Variants in TMEM132D observed in about 807,000 individuals in gnomAD.
The protein encoded by TMEM132D is mature OL transmembrane protein.
TMEM132D carries 21 observed loss-of-function variants against 62.3 expected under a neutral mutation model. The ratio of observed to expected loss-of-function variants is 0.34; its 90% confidence interval spans 0.24 to 0.49. The LOEUF (loss-of-function observed/expected upper bound fraction) is 0.49, where lower values mean the gene tolerates loss of function less well. Among genes scored for constraint, TMEM132D ranks in the 20% least tolerant of loss-of-function variants. The pLI, the probability that TMEM132D is intolerant of heterozygous loss-of-function variation, is 0.99. For synonymous variants in TMEM132D, 621 were observed against 575.6 expected (o/e 1.08, Z -1.13); for missense variants, 1,346 against 1,402.8 (o/e 0.96, Z 0.65).
chr12:129,337,016 G>C (rs1238422804), intron 4 of TMEM132D, among the ~76,000 whole-genome samples: 1 of 152,094 alleles, frequency 6.6e-6, no homozygotes, highest in Admixed American at 6.5e-5. Context: ...AAAACAGTAA[G>C]AGCCCTTGTC....
intron 1 of TMEM132D, among the ~76,000 whole-genome samples, chr12:129,817,387 A>G (rs1217951349): frequency 6.6e-6 from 1 of 152,170 alleles, no homozygotes; most frequent in African/African-American, 2.4e-5. Flanking sequence ...CGTAACAAGA[A>G]GTTCACACAC....
chr12:129,842,749 G>A (rs1332080981), intron 1 of TMEM132D, among the ~76,000 whole-genome samples: 3 of 152,162 alleles, frequency 2.0e-5, no homozygotes, highest in Admixed American at 1.3e-4. Context: ...GATTTCAGGC[G>A]AGGGAGAGAT....
chr12:129,825,900 C>T (rs1206011053), intron 1 of TMEM132D, among the ~76,000 whole-genome samples: 3 of 151,860 alleles, frequency 2.0e-5, no homozygotes, highest in Non-Finnish European at 2.9e-5. Flanking sequence ...CCTATCTCTA[C>T]AAAAAAATTA....
At chr12:129,436,390 T>A (rs1361306770) in intron 3 of TMEM132D, among the ~76,000 whole-genome samples, 2 of 152,178 alleles carry the variant, frequency 1.3e-5, no homozygotes, top group Non-Finnish European at 2.9e-5. Flanking sequence ...ATATATATAA[T>A]TATATTTTAT....
At position 129,204,498 on chromosome 12, in the gene TMEM132D, A is replaced by G. The variant is rs547708102; in HGVS notation, c.1443+5022T>C. 7.5e-4 allele frequency among the ~76,000 whole-genome samples: 114 copies of G among 152,310 alleles called. 1 individual carries two copies. The highest frequency in any genetic ancestry group is 3.7e-3 in the South Asian group (18 of 4,824). ...AGGAAGAAAATGAAGAAGAACAAAC[A>G]AAGCCTCTGAGGAAGGCTTATGGGA... On this transcript the variant is annotated intron_variant, in intron 5 of 8. Coordinates refer to ENST00000422113, the MANE Select transcript of TMEM132D (RefSeq NM_133448.3).
intron 4 of TMEM132D, among the ~76,000 whole-genome samples, chr12:129,252,574 C>A (rs966595263): frequency 6.6e-6 from 1 of 152,152 alleles, no homozygotes; most frequent in Non-Finnish European, 1.5e-5. Flanking sequence ...GAAATAGGAA[C>A]GCTTTTACAC....
At chr12:129,874,841 C>T (rs1428188049) in intron 1 of TMEM132D, among the ~76,000 whole-genome samples, 7 of 152,022 alleles carry the variant, frequency 4.6e-5, no homozygotes, top group Admixed American at 3.9e-4. Flanking sequence ...GCTGGGATTA[C>T]AGGCGTGCGC....
chr12:129,240,537 T>C (rs1024632490), intron 4 of TMEM132D, among the ~76,000 whole-genome samples: 2 of 152,184 alleles, frequency 1.3e-5, no homozygotes, highest in African/African-American at 4.8e-5. Context: ...TATAACAGCA[T>C]ATAAAGGAAG....
chr12:129,143,844 C>T (rs1876812897), intron 5 of TMEM132D, among the ~76,000 whole-genome samples: 1 of 152,042 alleles, frequency 6.6e-6, no homozygotes, highest in Non-Finnish European at 1.5e-5. Context: ...TTGCTTTTCT[C>T]CTGAAGGTCG....
At chr12:129,450,441 C>T (rs1452550820) in intron 3 of TMEM132D, among the ~76,000 whole-genome samples, 1 of 152,102 alleles carries the variant, frequency 6.6e-6, no homozygotes, top group Non-Finnish European at 1.5e-5. Context: ...TGTACTTGCA[C>T]CCCTGAACTT....
At chr12:129,390,723 C>G (rs539851219) in intron 3 of TMEM132D, among the ~76,000 whole-genome samples, 3 of 152,130 alleles carry the variant, frequency 2.0e-5, no homozygotes, top group Non-Finnish European at 2.9e-5. Flanking sequence ...TGGGACCACT[C>G]GCTCTGCCCT....
intron 5 of TMEM132D, among the ~76,000 whole-genome samples, chr12:129,156,342 C>A (rs1458438377): frequency 6.6e-6 from 1 of 152,030 alleles, no homozygotes; most frequent in Admixed American, 6.5e-5. Flanking sequence ...CCCATGATAA[C>A]CAACTCACTC....
At chr12:129,130,015 CTGTGTGTGTGTGTGTGTGTGTG>C (rs59282376) in intron 5 of TMEM132D, among the ~76,000 whole-genome samples, 2 of 141,852 alleles carry the variant, frequency 1.4e-5, no homozygotes, top group Non-Finnish European at 3.1e-5. Context: ...AAGCTCTGCT[CTGTGTGTGTGTGTGTGTGTGTG>C]TGTGTGTGTG....
At chr12:129,466,155 CATT>C (rs1873886919) in intron 3 of TMEM132D, among the ~76,000 whole-genome samples, 1 of 152,012 alleles carries the variant, frequency 6.6e-6, no homozygotes, top group Non-Finnish European at 1.5e-5. Context: ...TTATTGTTAT[CATT>C]ATTTTCTGCA....
intron 4 of TMEM132D, among the ~76,000 whole-genome samples, chr12:129,250,808 C>T (rs1046936292): frequency 6.6e-6 from 1 of 152,136 alleles, no homozygotes; most frequent in Non-Finnish European, 1.5e-5. Flanking sequence ...CTTACCTATC[C>T]ATGCTCATGA....
At chr12:129,433,319 G>A (rs1482256825) in intron 3 of TMEM132D, among the ~76,000 whole-genome samples, 1 of 152,154 alleles carries the variant, frequency 6.6e-6, no homozygotes, top group African/African-American at 2.4e-5. Flanking sequence ...TTTAACCTTA[G>A]TAATTATTAC....
chr12:129,518,186 T>C (rs1412338260), intron 3 of TMEM132D, among the ~76,000 whole-genome samples: 1 of 152,210 alleles, frequency 6.6e-6, no homozygotes, highest in Non-Finnish European at 1.5e-5. Flanking sequence ...GCATAGTTTT[T>C]CTGTTGTGAG....
intron 3 of TMEM132D, among the ~76,000 whole-genome samples, chr12:129,499,506 C>A (rs1371518789): frequency 6.6e-6 from 1 of 152,132 alleles, no homozygotes. Flanking sequence ...ATGACACAGG[C>A]AAGATCAGGA....
At chr12:129,663,653 A>G (rs748122337) in intron 2 of TMEM132D, among the ~76,000 whole-genome samples, 1 of 152,182 alleles carries the variant, frequency 6.6e-6, no homozygotes, top group Non-Finnish European at 1.5e-5. Flanking sequence ...GGATGTTGGG[A>G]ACTGTTGGAA....
Sources: allele counts gnomAD v4.1 joint callset (sites outside exome capture counted in the v4.1 genomes callset), GRCh38; gene constraint gnomAD v4.1.1; transcripts MANE v1.5; gene names NCBI Gene and HGNC (gene_info 2026-07-23, HGNC 2026-07-21).